The following NBEA variants were observed in gnomAD, a reference collection of about 807,000 sequenced individuals.
The protein encoded by NBEA is lysosomal-trafficking regulator 2.
Under a neutral mutation model 343.4 loss-of-function variants are expected in NBEA, and 44 were observed. That is an observed-to-expected ratio of 0.13 (90% confidence interval 0.10 to 0.16). The LOEUF (loss-of-function observed/expected upper bound fraction) is 0.16, where lower values mean the gene tolerates loss of function less well. NBEA is among the 10% of genes least tolerant of loss of function. The pLI is 1.00. For missense variants in NBEA, 2,555 were observed against 3,631.3 expected (o/e 0.70, Z 7.62); for synonymous variants, 1,175 against 1,238.7 (o/e 0.95, Z 1.08).
intron 34 of NBEA, among the ~76,000 whole-genome samples, chr13:35,257,631 A>G (rs2032764481): frequency 6.6e-6 from 1 of 152,112 alleles, no homozygotes; most frequent in Non-Finnish European, 1.5e-5. Context: ...AGCTATGTTC[A>G]ATAATCTAAT....
intron 10 of NBEA, among the ~76,000 whole-genome samples, chr13:35,073,632 G>A (rs1486907701): frequency 6.6e-6 from 1 of 151,942 alleles, no homozygotes; most frequent in Non-Finnish European, 1.5e-5. Context: ...CTTTATATAG[G>A]GGATTTAGAA....
chr13:35,606,523 T>C lies in NBEA; in HGVS notation c.7394T>C (p.Val2465Ala), dbSNP rs768542481. The C allele has an allele frequency of 1.6e-5, 26 of 1,608,054 alleles. No individual in the cohort carries two copies. The East Asian group carries it at 5.4e-4, about 33-fold the overall frequency. ...VREDEVVVND[V>A]DLPPWAKKPE... ...GAAGATGAAGTAGTGGTAAATGATG[T>C]TGATCTTCCCCCTTGGGCAAAAAAA... The change falls in exon 48 of 59, where the codon GTT becomes GCT. Residue 2465 changes from valine (V) to alanine (A), a missense_variant. Physicochemically the swap from Val to Ala is moderately conservative, Grantham distance 64. Coordinates refer to ENST00000379939, the MANE Select transcript of NBEA (RefSeq NM_001385012.1).
At chr13:35,408,809 C>T (rs983175649) in intron 38 of NBEA, among the ~76,000 whole-genome samples, 1 of 152,176 alleles carries the variant, frequency 6.6e-6, no homozygotes, top group Non-Finnish European at 1.5e-5. Flanking sequence ...CACCATCTCA[C>T]ACCCGTCAGA....
intron 36 of NBEA, among the ~76,000 whole-genome samples, chr13:35,323,463 G>C (rs1473696659): frequency 6.7e-6 from 1 of 149,970 alleles, no homozygotes; most frequent in African/African-American, 2.5e-5. Context: ...ACTATCGCAA[G>C]AACAAAAAAC....
In NBEA at chr13:35,449,439, GAGA is replaced by G. The variant is rs374882871; in HGVS notation, c.6305-2650_6305-2648del. 6.8e-4 allele frequency among the ~76,000 whole-genome samples: 104 copies of G among 152,114 alleles called. 1 individual carries two copies. Among genetic ancestry groups the G allele is most frequent in the African/African-American group, 2.4e-3 (101 of 41,510 alleles). On this transcript the variant is annotated intron_variant, in intron 39 of 58. Coordinates refer to ENST00000379939, the MANE Select transcript of NBEA (RefSeq NM_001385012.1). ...ACATGGTTGGCCAAAATAGGAGGAGGAGAAGGAGCAAGAGACAATTAGCTCAGT... is the reference window on the plus strand; with the variant it reads ...ACATGGTTGGCCAAAATAGGAGGAGGAGGAGCAAGAGACAATTAGCTCAGT...
In NBEA at chr13:35,403,926, C is replaced by G. The variant is rs1345949600; in HGVS notation, c.6180-28343C>G. 3.3e-5 allele frequency among the ~76,000 whole-genome samples: 5 copies of G among 152,144 alleles called. No individual in the cohort carries two copies. In the East Asian group the frequency reaches 9.6e-4, roughly 29 times the overall value. On this transcript the variant is annotated intron_variant, in intron 38 of 58. Transcript: ENST00000379939. ...ATTTACAAGAAAAAAACAACACCAT[C>G]AAAAAGTGGGCGAAGGACATCAACA...
chr13:35,571,285 G>A (rs992568773), intron 45 of NBEA, among the ~76,000 whole-genome samples: 11 of 152,062 alleles, frequency 7.2e-5, no homozygotes, highest in African/African-American at 2.7e-4. Flanking sequence ...ATTCTGTGTT[G>A]TATCAGTTGG....
chr13:35,558,086 G>A (rs2079664085), intron 44 of NBEA, among the ~76,000 whole-genome samples: 1 of 152,106 alleles, frequency 6.6e-6, no homozygotes, highest in Admixed American at 6.6e-5. Flanking sequence ...AGATTCCTTA[G>A]CATTAGTGCT....
At chr13:35,323,498 AG>A (rs1408585277) in intron 36 of NBEA, among the ~76,000 whole-genome samples, 1 of 146,966 alleles carries the variant, frequency 6.8e-6, no homozygotes, top group Non-Finnish European at 1.5e-5. Context: ...TCTCACTCAT[AG>A]GTAGGAATTG....
intron 41 of NBEA, among the ~76,000 whole-genome samples, chr13:35,542,134 A>G (rs2078857546): frequency 7.9e-6 from 1 of 126,838 alleles, no homozygotes; most frequent in Non-Finnish European, 1.6e-5. Flanking sequence ...ATTTCCCCCA[A>G]TTGTAGGATG....
chr13:35,388,585 T>G (rs191406791), intron 38 of NBEA, among the ~76,000 whole-genome samples: 40 of 152,346 alleles, frequency 2.6e-4, no homozygotes, highest in Middle Eastern at 3.4e-3. Context: ...CCCTGGGTAA[T>G]GACTTTTAGT....
chr13:35,165,256 C>G (rs552226693), intron 24 of NBEA, among the ~76,000 whole-genome samples: 1 of 152,268 alleles, frequency 6.6e-6, no homozygotes, highest in East Asian at 1.9e-4. Flanking sequence ...CTACATGACT[C>G]TTTTTCTTAC....
chr13:35,443,934 C>T (rs74726816), intron 39 of NBEA, among the ~76,000 whole-genome samples: 7,159 of 151,792 alleles, frequency 0.047, 218 homozygotes, highest in African/African-American at 0.067. Context: ...TTCCTATTAT[C>T]GTAATTTGTT....
chr13:35,007,490 T>G (rs970853920), intron 1 of NBEA, among the ~76,000 whole-genome samples: 3 of 152,142 alleles, frequency 2.0e-5, no homozygotes, highest in Non-Finnish European at 4.4e-5. Flanking sequence ...ATCTTCAATC[T>G]TTTTTTGTTT....
At chr13:35,210,964 A>G (rs1259794500) in intron 32 of NBEA, 89 bp from the exon 33 acceptor site, 1 of 1,376,016 alleles carries the variant, frequency 7.3e-7, no homozygotes, top group East Asian at 2.6e-5. Context: ...CTGATGAGTA[A>G]TTCTTTCAAA....
intron 18 of NBEA, among the ~76,000 whole-genome samples, chr13:35,150,793 TTAGAGTAGAGTAGAG>T (rs71078083): frequency 0.016 from 2,328 of 148,354 alleles, 63 homozygotes; most frequent in African/African-American, 0.056. Context: ...TAATGATATT[TTAGAGTAGAGTAGAG>T]TAGAGTAGAG....
chr13:35,403,869 T>A (rs2043121054), intron 38 of NBEA, among the ~76,000 whole-genome samples: 1 of 152,134 alleles, frequency 6.6e-6, no homozygotes, highest in Non-Finnish European at 1.5e-5. Flanking sequence ...GACAAAGGGC[T>A]AATATCCAGA....
chr13:35,603,432 C>T (rs897805765), intron 47 of NBEA, among the ~76,000 whole-genome samples: 4 of 152,004 alleles, frequency 2.6e-5, no homozygotes, highest in Non-Finnish European at 4.4e-5. Flanking sequence ...ATGTTTCTTG[C>T]GCCTTTGTGA....
chr13:35,028,578 C>G (rs926617196), intron 1 of NBEA, among the ~76,000 whole-genome samples: 1 of 151,802 alleles, frequency 6.6e-6, no homozygotes, highest in Admixed American at 6.6e-5. Context: ...CGGTTCATGT[C>G]ATATGCAGAT....
Sources: gnomAD v4.1 joint callset for allele counts (sites outside exome capture counted in the v4.1 genomes callset) on GRCh38, gnomAD v4.1.1 for gene constraint, MANE v1.5 for transcripts, NCBI Gene and HGNC (gene_info 2026-07-23, HGNC 2026-07-21) for gene names.